NRXN1: variants seen among roughly 807,000 people sequenced by gnomAD.
The protein encoded by NRXN1 is neurexin 1, also known as neurexin-1.
A neutral mutation model predicts 150.9 loss-of-function variants in NRXN1; 39 were observed. The observed-to-expected ratio is 0.26, with a 90% CI of 0.20 to 0.34. The LOEUF is 0.34. Ranked by LOEUF, NRXN1 falls within the 10% of genes least tolerant of loss-of-function variation. NRXN1 has a pLI of 1.00. For synonymous variants in NRXN1, 924 were observed against 757.0 expected, an observed-to-expected ratio of 1.22 and a Z score of -3.62; for missense variants, 1,815 against 1,949.9, an observed-to-expected ratio of 0.93 and a Z score of 1.30.
chr2:50,633,733 A>C (rs1452612583), intron 5 of NRXN1, among the ~76,000 whole-genome samples: 1 of 152,092 alleles, frequency 6.6e-6, no homozygotes, highest in African/African-American at 2.4e-5. Flanking sequence ...AACACATGCA[A>C]ATCCCCTATT....
chr2:50,475,027 G>C (rs1238987137), intron 15 of NRXN1, among the ~76,000 whole-genome samples: 1 of 152,010 alleles, frequency 6.6e-6, no homozygotes, highest in Admixed American at 6.6e-5. Context: ...ATCAGAGATT[G>C]TGGGCTGAGA....
rs1439696118 is a variant in NRXN1, at chr2:49,918,772, A to C, written c.*3172T>G. On this transcript the variant is annotated 3_prime_UTR_variant, in exon 23 of 23. Transcript: ENST00000401669. ...AACATTCTTCCTCTATAATATAAGGATGGGTCTTCCCTTCAAATGCAGCCT... is the reference window on the plus strand; with the variant it reads ...AACATTCTTCCTCTATAATATAAGGCTGGGTCTTCCCTTCAAATGCAGCCT... 1.3e-5 allele frequency: 2 copies of C among 152,248 alleles called. No individual in the cohort carries two copies. Among genetic ancestry groups the C allele is most frequent in the Non-Finnish European group, 2.9e-5 (2 of 67,980 alleles). 9.4% of individuals were successfully genotyped at this position (152,248 alleles called of 1,614,324 possible). A position where few individuals can be genotyped will look rare whatever the true frequency, so the allele number is the denominator to read the frequency against.
chr2:51,003,494 C>A (rs1700322004), intron 2 of NRXN1, among the ~76,000 whole-genome samples: 1 of 151,866 alleles, frequency 6.6e-6, no homozygotes, highest in Non-Finnish European at 1.5e-5. Context: ...ATTTAATCAT[C>A]AAAATATCCT....
chr2:51,031,674 G>A (rs1460946173), intron 1 of NRXN1, among the ~76,000 whole-genome samples: 1 of 152,082 alleles, frequency 6.6e-6, no homozygotes, highest in African/African-American at 2.4e-5. Context: ...GATGAGGTAG[G>A]GAAGGAAATA....
chr2:50,806,759 C>T (rs1667567628), intron 5 of NRXN1, among the ~76,000 whole-genome samples: 1 of 152,042 alleles, frequency 6.6e-6, no homozygotes, highest in Admixed American at 6.6e-5. Flanking sequence ...TATTGAGCTA[C>T]CTCGTACTAG....
At chr2:50,587,716 T>C (rs1338364079) in intron 8 of NRXN1, among the ~76,000 whole-genome samples, 2 of 152,170 alleles carry the variant, frequency 1.3e-5, no homozygotes, top group Non-Finnish European at 2.9e-5. Context: ...AAGTAAATTG[T>C]TTAAATGTAA....
chr2:50,189,836 T>G (rs575564965), intron 18 of NRXN1, among the ~76,000 whole-genome samples: 25 of 152,176 alleles, frequency 1.6e-4, no homozygotes, highest in African/African-American at 6.0e-4. Context: ...TATCAATAGA[T>G]TTTAAGCATT....
Position 50,951,201 on chromosome 2 carries a change from G to C in NRXN1, c.773-25246C>G, listed in dbSNP as rs1485103941. Among the ~76,000 whole-genome samples the C allele has an allele frequency of 3.3e-5, 5 of 152,286 alleles. No homozygotes were observed. The East Asian group carries it at 9.7e-4, about 29-fold the overall frequency. On this transcript the variant is annotated intron_variant, in intron 2 of 22. Coordinates refer to ENST00000401669, the MANE Select transcript of NRXN1 (RefSeq NM_001330078.2). ...CTTGGGGGCAACCTGAGGGACAAAA[G>C]GGGATGAGATGAGAGGAGATGAGAT...
chr2:50,394,405 T>C (rs945516604), intron 17 of NRXN1, among the ~76,000 whole-genome samples: 3 of 152,080 alleles, frequency 2.0e-5, no homozygotes, highest in Non-Finnish European at 4.4e-5. Flanking sequence ...TCGCAACAAG[T>C]CTTCCGCTAA....
At chr2:50,223,553 G>A (rs941688943) in intron 18 of NRXN1, among the ~76,000 whole-genome samples, 4 of 151,882 alleles carry the variant, frequency 2.6e-5, no homozygotes, top group South Asian at 2.1e-4. Flanking sequence ...CTTACTCTGC[G>A]TAATAGGGCT....
chr2:50,157,673 G>T lies in NRXN1; in HGVS notation c.3547-66179C>A, dbSNP rs76441141. Among the ~76,000 whole-genome samples, 246 of 152,114 alleles carry T rather than the reference G, an allele frequency of 1.6e-3. 1 individual carries two copies. The highest frequency in any genetic ancestry group is 5.5e-3 in the African/African-American group (228 of 41,524). ...AGGCTAGTAAGATAGACGAAATGTTGTCCAGCAGCAGAAATGGAGGCAGTA... is the reference window on the plus strand; with the variant it reads ...AGGCTAGTAAGATAGACGAAATGTTTTCCAGCAGCAGAAATGGAGGCAGTA... On this transcript the variant is annotated intron_variant, in intron 18 of 22. Coordinates refer to ENST00000401669, the MANE Select transcript of NRXN1 (RefSeq NM_001330078.2).
At chr2:50,795,779 C>G (rs1247059706) in intron 5 of NRXN1, among the ~76,000 whole-genome samples, 2 of 152,000 alleles carry the variant, frequency 1.3e-5, no homozygotes, top group Non-Finnish European at 2.9e-5. Context: ...TAAATTAAAG[C>G]CTTTGTGTAT....
rs535621614 is a variant in NRXN1 at position 50,804,476 on chromosome 2, A to G, written c.832+117393T>C. 1.3e-4 allele frequency among the ~76,000 whole-genome samples: 20 copies of G among 152,312 alleles called. No homozygotes were observed. The South Asian group carries it at 3.5e-3, about 27-fold the overall frequency. ...ATAGGAAACACATGTCAGAGCCAAGATTTGAAGTTGAGTCTCTCAGACTCC... is the reference window on the plus strand; with the variant it reads ...ATAGGAAACACATGTCAGAGCCAAGGTTTGAAGTTGAGTCTCTCAGACTCC... On this transcript the variant is annotated intron_variant, in intron 5 of 22. Coordinates refer to ENST00000401669, the MANE Select transcript of NRXN1 (RefSeq NM_001330078.2).
At chr2:50,101,558 A>G (rs1052864023) in intron 18 of NRXN1, among the ~76,000 whole-genome samples, 3 of 152,016 alleles carry the variant, frequency 2.0e-5, no homozygotes, top group Non-Finnish European at 4.4e-5. Flanking sequence ...TTGGATTGTA[A>G]TTTTAGTCCT....
chr2:50,673,711 C>G (rs957884609), intron 5 of NRXN1, among the ~76,000 whole-genome samples: 6 of 152,208 alleles, frequency 3.9e-5, no homozygotes, highest in African/African-American at 1.4e-4. Context: ...GACCCATTCA[C>G]TAATTCATCC....
At chr2:50,892,783 T>C (rs574618690) in intron 5 of NRXN1, among the ~76,000 whole-genome samples, 3 of 152,322 alleles carry the variant, frequency 2.0e-5, no homozygotes, top group South Asian at 4.1e-4. Context: ...ACATATTATA[T>C]ATTGGAGCAG....
At chr2:50,746,665 G>C (rs569155192) in intron 5 of NRXN1, among the ~76,000 whole-genome samples, 1 of 152,236 alleles carries the variant, frequency 6.6e-6, no homozygotes, top group East Asian at 1.9e-4. Context: ...TCAGAGACTG[G>C]GGGCTGCTTT....
At chr2:50,396,021 A>G (rs2082030996) in intron 17 of NRXN1, among the ~76,000 whole-genome samples, 1 of 152,192 alleles carries the variant, frequency 6.6e-6, no homozygotes, top group Admixed American at 6.5e-5. Context: ...AGATTATTGA[A>G]AAGTTATTGA....
At chr2:50,474,616 C>A (rs1042817802) in intron 15 of NRXN1, among the ~76,000 whole-genome samples, 6 of 135,030 alleles carry the variant, frequency 4.4e-5, no homozygotes, top group Non-Finnish European at 3.1e-5. Context: ...GACAGTCTCA[C>A]ACAACGTTCC....
Sources: gnomAD v4.1 joint callset for allele counts (sites outside exome capture counted in the v4.1 genomes callset) on GRCh38, gnomAD v4.1.1 for gene constraint, MANE v1.5 for transcripts, NCBI Gene and HGNC (gene_info 2026-07-23, HGNC 2026-07-21) for gene names.